The following MAGI2 variants were observed in gnomAD, a reference collection of about 807,000 sequenced individuals.
The protein encoded by MAGI2 is membrane associated guanylate kinase, WW and PDZ domain containing 2.
A neutral mutation model predicts 133.3 loss-of-function variants in MAGI2; 35 were observed. That is an observed-to-expected ratio of 0.26 (90% CI 0.20 to 0.35). The LOEUF (loss-of-function observed/expected upper bound fraction) is 0.35, where lower values mean the gene tolerates loss of function less well. Among genes scored for constraint, MAGI2 ranks in the 10% least tolerant of loss-of-function variants. MAGI2 has a pLI of 1.00. For synonymous variants in MAGI2, 729 were observed against 710.6 expected, an observed-to-expected ratio of 1.03 and a Z score of -0.41; for missense variants, 1,636 against 1,863.4, an observed-to-expected ratio of 0.88 and a Z score of 2.25.
intron 10 of MAGI2, among the ~76,000 whole-genome samples, chr7:78,245,163 A>G (rs947570614): frequency 1.3e-5 from 2 of 152,238 alleles, no homozygotes; most frequent in East Asian, 3.8e-4. Flanking sequence ...AAATTACGAG[A>G]AACACTAAGA....
intron 1 of MAGI2, among the ~76,000 whole-genome samples, chr7:79,106,651 T>C (rs1818476496): frequency 6.6e-6 from 1 of 152,150 alleles, no homozygotes; most frequent in Non-Finnish European, 1.5e-5. Flanking sequence ...TAGTCAAATA[T>C]AGATGTGAGC....
In MAGI2 at chr7:78,967,532, G is replaced by GA. The variant is rs76608050; in HGVS notation, c.418+39557dup. ...GAAATCATTGCCAAGACCAATGCTA[G>GA]AAAGTTTTTTCCTTATGTTTTCTTC... On this transcript the variant is annotated intron_variant, in intron 2 of 21. Transcript: ENST00000354212. Among the ~76,000 whole-genome samples the GA allele has an allele frequency of 4.1e-3, 630 of 152,062 alleles. 34 individuals are homozygous for GA. In the East Asian group the frequency reaches 0.12, roughly 28 times the overall value.
At chr7:78,776,490 T>C (rs112533583) in intron 2 of MAGI2, among the ~76,000 whole-genome samples, 40 of 152,370 alleles carry the variant, frequency 2.6e-4, no homozygotes, top group African/African-American at 8.7e-4. Context: ...GCACTTGCAT[T>C]TTAGCAATAA....
chr7:79,135,811 T>C (rs1472486162), intron 1 of MAGI2, among the ~76,000 whole-genome samples: 8 of 151,368 alleles, frequency 5.3e-5, no homozygotes, highest in Non-Finnish European at 1.0e-4. Context: ...TGTGGTGGCA[T>C]ACTCCTGTAG....
intron 2 of MAGI2, among the ~76,000 whole-genome samples, chr7:78,968,846 T>G (rs1162149501): frequency 2.6e-5 from 4 of 152,076 alleles, no homozygotes; most frequent in Admixed American, 2.6e-4. Flanking sequence ...GACACGGCCT[T>G]TATTTTCTTT....
intron 9 of MAGI2, among the ~76,000 whole-genome samples, chr7:78,337,884 TCCAATCA>T (rs1789935610): frequency 9.0e-6 from 1 of 110,998 alleles, no homozygotes. Flanking sequence ...AAAGCATCCA[TCCAATCA>T]CCATCCATCC....
chr7:79,166,608 C>T (rs1824942632), intron 1 of MAGI2, among the ~76,000 whole-genome samples: 1 of 152,066 alleles, frequency 6.6e-6, no homozygotes, highest in Non-Finnish European at 1.5e-5. Context: ...ATCCAATTCA[C>T]TCAAAAGAAG....
At chr7:78,159,181 C>T (rs1441083336) in intron 16 of MAGI2, among the ~76,000 whole-genome samples, 1 of 152,184 alleles carries the variant, frequency 6.6e-6, no homozygotes, top group Non-Finnish European at 1.5e-5. Flanking sequence ...GTAAATTACT[C>T]TTTCTCCATC....
intron 2 of MAGI2, among the ~76,000 whole-genome samples, chr7:78,895,458 TGAA>T (rs1356039758): frequency 6.6e-6 from 1 of 152,106 alleles, no homozygotes; most frequent in African/African-American, 2.4e-5. Flanking sequence ...ACTGTAATGA[TGAA>T]GAACTCAAAC....
At chr7:78,773,283 G>C (rs1316048505) in intron 2 of MAGI2, among the ~76,000 whole-genome samples, 1 of 151,786 alleles carries the variant, frequency 6.6e-6, no homozygotes, top group African/African-American at 2.4e-5. Flanking sequence ...GAAAGATCAT[G>C]ACTTAAAGAA....
chr7:78,915,889 G>C (rs919710980), intron 2 of MAGI2, among the ~76,000 whole-genome samples: 2 of 152,010 alleles, frequency 1.3e-5, no homozygotes, highest in Admixed American at 6.6e-5. Flanking sequence ...CTCTGAGAAG[G>C]TGGCGTGAGC....
At chr7:79,110,729 AG>A (rs1055246664) in intron 1 of MAGI2, among the ~76,000 whole-genome samples, 1 of 152,128 alleles carries the variant, frequency 6.6e-6, no homozygotes, top group African/African-American at 2.4e-5. Flanking sequence ...TTGGGGAGCC[AG>A]GGGTGTAATA....
chr7:78,254,078 A>G (rs948344845), intron 10 of MAGI2: 1 of 152,198 alleles, frequency 6.6e-6, no homozygotes, highest in African/African-American at 2.4e-5. Context: ...CAATTCCCTC[A>G]TCCCCAAACA....
At chr7:78,721,404 T>C (rs182530822) in intron 2 of MAGI2, among the ~76,000 whole-genome samples, 1 of 152,136 alleles carries the variant, frequency 6.6e-6, no homozygotes, top group East Asian at 1.9e-4. Flanking sequence ...GTAGGTTCCT[T>C]TAAAAAAATC....
intron 6 of MAGI2, among the ~76,000 whole-genome samples, chr7:78,479,751 T>C (rs1347800132): frequency 6.6e-6 from 1 of 151,786 alleles, no homozygotes; most frequent in East Asian, 1.9e-4. Flanking sequence ...GAAAAACAAA[T>C]TGGATGAGAA....
At chr7:79,158,807 G>A (rs1027221605) in intron 1 of MAGI2, among the ~76,000 whole-genome samples, 2 of 151,718 alleles carry the variant, frequency 1.3e-5, no homozygotes. Context: ...TCAGGTAAAT[G>A]GAATAAATGC....
At chr7:78,683,169 G>C (rs2151099978) in intron 2 of MAGI2, among the ~76,000 whole-genome samples, 1 of 152,262 alleles carries the variant, frequency 6.6e-6, no homozygotes, top group East Asian at 1.9e-4. Flanking sequence ...TTTATAGTGA[G>C]GAGGGCCATT....
chr7:78,777,922 T>A (rs1826112711), intron 2 of MAGI2, among the ~76,000 whole-genome samples: 1 of 152,128 alleles, frequency 6.6e-6, no homozygotes, highest in African/African-American at 2.4e-5. Flanking sequence ...AGGTAATTCA[T>A]CATATATTAA....
intron 2 of MAGI2, among the ~76,000 whole-genome samples, chr7:78,736,580 C>T (rs1385646566): frequency 6.6e-6 from 1 of 152,060 alleles, no homozygotes; most frequent in East Asian, 1.9e-4. Context: ...TCCCTAAGAA[C>T]CTGAAGAGGG....
Sources: allele counts gnomAD v4.1 joint callset (sites outside exome capture counted in the v4.1 genomes callset), GRCh38; gene constraint gnomAD v4.1.1; transcripts MANE v1.5; gene names NCBI Gene and HGNC (gene_info 2026-07-23, HGNC 2026-07-21).